GLMN: variants seen among roughly 807,000 people sequenced by gnomAD.
GLMN encodes glomulin, FKBP associated protein.
In GLMN, 75 loss-of-function variants were observed where a neutral mutation model predicts 87.8. The ratio of observed to expected loss-of-function variants is 0.85; its 90% CI spans 0.71 to 1.04. The LOEUF is 1.04. Among genes scored for constraint, GLMN ranks in the 50% least tolerant of loss-of-function variants. GLMN has a pLI of 0.00. For synonymous variants in GLMN, 206 were observed against 221.6 expected (o/e 0.93, Z 0.63); for missense variants, 588 against 658.8 (o/e 0.89, Z 1.18).
chr1:92,356,460 C>G, the GLMN span, among the ~76,000 whole-genome samples: 1 of 151,908 alleles, frequency 6.6e-6, no homozygotes, highest in Non-Finnish European at 1.5e-5. Context: ...CTCTATCACC[C>G]AGGCTGCAGT....
chr1:92,271,704 C>T (rs1201894389), intron 7 of GLMN, 52 bp from the exon 8 acceptor site: 1 of 1,241,536 alleles, frequency 8.1e-7, no homozygotes, highest in Non-Finnish European at 1.2e-6. Context: ...TAAAATGCCC[C>T]CCACCCCGTG....
intron 7 of GLMN, among the ~76,000 whole-genome samples, chr1:92,272,247 G>A (rs1055955035): frequency 6.6e-6 from 1 of 152,208 alleles, no homozygotes; most frequent in East Asian, 1.9e-4. Flanking sequence ...GTAGCCCAAT[G>A]AGACCCTGAG....
chr1:92,361,035 G>A, the GLMN span, among the ~76,000 whole-genome samples: 2 of 150,192 alleles, frequency 1.3e-5, no homozygotes, highest in Admixed American at 6.7e-5. Flanking sequence ...CCCACAAGTC[G>A]GTTTTAGGAA....
rs759042428 is a variant in GLMN at position 92,266,710 on chromosome 1, A to G, written c.1130T>C (p.Ile377Thr). Reference sequence around the variant, plus strand: ...CAAATATTTACATACCAGTGTCTCAATGGGGCAAAGTGTCATTACTTTCAC... The same window carrying G: ...CAAATATTTACATACCAGTGTCTCAGTGGGGCAAAGTGTCATTACTTTCAC... Reference protein sequence around the residue: ...GLVKVMTLCPIETLRKKSLAM... With the variant: ...GLVKVMTLCPTETLRKKSLAM... Residue 377 changes from isoleucine (I) to threonine (T), a missense_variant, in exon 12 of 19, where the codon ATT becomes ACT. Physicochemically the swap from Ile to Thr is moderately conservative, Grantham distance 89 (BLOSUM62 -1). Transcript: ENST00000370360. 30 of 1,599,786 alleles carry G rather than the reference A, an allele frequency of 1.9e-5. No individual in the cohort carries two copies. The highest frequency in any genetic ancestry group is 6.7e-5 in the East Asian group (3 of 44,656).
At chr1:92,348,880 G>C in the GLMN span, among the ~76,000 whole-genome samples, 53 of 152,114 alleles carry the variant, frequency 3.5e-4, no homozygotes, top group Non-Finnish European at 1.6e-4. Context: ...TTTGTCACTG[G>C]GGAAAGCAAA....
chr1:92,285,586 A>G (rs9440085), intron 7 of GLMN, among the ~76,000 whole-genome samples: 72,164 of 151,680 alleles, frequency 0.48, 18,104 homozygotes, highest in East Asian at 0.96. Context: ...CACGTTGTGC[A>G]CATGTACCCT....
intron 16 of GLMN, among the ~76,000 whole-genome samples, chr1:92,255,957 A>C (rs867623586): frequency 2.0e-5 from 3 of 152,244 alleles, no homozygotes; most frequent in Non-Finnish European, 4.4e-5. Context: ...TTCAAAAAAA[A>C]TCAGTGAATC....
At chr1:92,297,222 G>T (rs577627827) in intron 3 of GLMN, among the ~76,000 whole-genome samples, 182 bp downstream of exon 3, 1 of 150,060 alleles carries the variant, frequency 6.7e-6, no homozygotes, top group East Asian at 2.0e-4. Context: ...ATAACGCTGT[G>T]ATTACGAACG....
the GLMN span, among the ~76,000 whole-genome samples, chr1:92,331,444 A>G: frequency 6.6e-6 from 1 of 152,068 alleles, no homozygotes; most frequent in African/African-American, 2.4e-5. Flanking sequence ...TTTGCATTGA[A>G]TCATTATTCC....
the GLMN span, among the ~76,000 whole-genome samples, chr1:92,328,109 C>G: frequency 1.3e-5 from 2 of 152,192 alleles, no homozygotes; most frequent in African/African-American, 4.8e-5. Flanking sequence ...TCTTGACTTT[C>G]GATAACCTGA....
the GLMN span, among the ~76,000 whole-genome samples, chr1:92,356,086 T>C: frequency 9.2e-5 from 14 of 152,320 alleles, no homozygotes; most frequent in Non-Finnish European, 1.6e-4. Flanking sequence ...GAATCCTCAC[T>C]CCAACTGTGG....
At chr1:92,353,496 G>C in the GLMN span, among the ~76,000 whole-genome samples, 1 of 152,050 alleles carries the variant, frequency 6.6e-6, no homozygotes, top group Non-Finnish European at 1.5e-5. Context: ...TACTATACAC[G>C]CAAAATGAGT....
At chr1:92,350,234 A>G in the GLMN span, among the ~76,000 whole-genome samples, 3 of 152,242 alleles carry the variant, frequency 2.0e-5, no homozygotes, top group East Asian at 1.9e-4. Context: ...CTTAAGCACT[A>G]TACATTTATG....
At chr1:92,348,442 T>C in the GLMN span, among the ~76,000 whole-genome samples, 1 of 152,196 alleles carries the variant, frequency 6.6e-6, no homozygotes, top group African/African-American at 2.4e-5. Flanking sequence ...GAAATCTTGT[T>C]TTCTGATAAT....
At chr1:92,302,590 A>ATTTTTTTTTT (rs36067595), upstream of GLMN, among the ~76,000 whole-genome samples, 159 of 74,340 alleles carry the variant, frequency 2.1e-3, 14 homozygotes, top group Non-Finnish European at 2.8e-3. Flanking sequence ...TCCGCATTAA[A>ATTTTTTTTTT]TTTTTTTTTT....
At chr1:92,321,264 T>C in the GLMN span, among the ~76,000 whole-genome samples, 5 of 152,176 alleles carry the variant, frequency 3.3e-5, no homozygotes, top group African/African-American at 1.2e-4. Flanking sequence ...GCCTTAAAAC[T>C]CCAAGAGAAA....
At chr1:92,294,520 GTAAT>G (rs1649801947) in intron 3 of GLMN, among the ~76,000 whole-genome samples, 1 of 152,060 alleles carries the variant, frequency 6.6e-6, no homozygotes, top group Non-Finnish European at 1.5e-5. Context: ...ATAATATACT[GTAAT>G]AAATAGTATG....
At chr1:92,357,094 T>TACACACACACACAC in the GLMN span, among the ~76,000 whole-genome samples, 3 of 144,756 alleles carry the variant, frequency 2.1e-5, no homozygotes, top group African/African-American at 7.6e-5. Flanking sequence ...AAGGATTACA[T>TACACACACACACAC]ACACACACAC....
At chr1:92,358,903 T>TA in the GLMN span, among the ~76,000 whole-genome samples, 73 of 151,962 alleles carry the variant, frequency 4.8e-4, no homozygotes, top group East Asian at 3.3e-3. Flanking sequence ...TCTTTAAATT[T>TA]AAAAAAAACA....
Sources: gnomAD v4.1 joint callset for allele counts (sites outside exome capture counted in the v4.1 genomes callset) on GRCh38, gnomAD v4.1.1 for gene constraint, MANE v1.5 for transcripts, NCBI Gene and HGNC (gene_info 2026-07-23, HGNC 2026-07-21) for gene names.